CPLX2: variants seen among roughly 807,000 people sequenced by gnomAD.
CPLX2 encodes the protein complexin 2.
A neutral mutation model predicts 16.3 loss-of-function variants in CPLX2; 5 were observed. The observed-to-expected ratio is 0.31, with a 90% CI of 0.16 to 0.64. CPLX2 has a LOEUF of 0.64. CPLX2 is among the 30% of genes least tolerant of loss of function. CPLX2 has a pLI of 0.79. For synonymous variants in CPLX2, 89 were observed against 73.2 expected (o/e 1.22, Z -1.10); for missense variants, 144 against 181.4 (o/e 0.79, Z 1.18).
At chr5:175,836,226 T>C (rs1758836518) in intron 2 of CPLX2, among the ~76,000 whole-genome samples, 1 of 152,082 alleles carries the variant, frequency 6.6e-6, no homozygotes, top group Non-Finnish European at 1.5e-5. Context: ...GGCGGGCACC[T>C]GTGGTCCCAG....
intron 2 of CPLX2, among the ~76,000 whole-genome samples, chr5:175,847,954 A>C (rs1759080973): frequency 6.6e-6 from 1 of 152,236 alleles, no homozygotes; most frequent in South Asian, 2.1e-4. Flanking sequence ...CTCACCTAAC[A>C]GCTTCATCAC....
At chr5:175,813,641 A>G (rs1758353114) in intron 2 of CPLX2, among the ~76,000 whole-genome samples, 1 of 152,268 alleles carries the variant, frequency 6.6e-6, no homozygotes, top group Non-Finnish European at 1.5e-5. Context: ...AGCTGGCCAC[A>G]GGCACACAGA....
intron 1 of CPLX2, chr5:175,796,870 C>G (rs1757986952): frequency 6.6e-6 from 1 of 152,284 alleles, no homozygotes; most frequent in Admixed American, 6.5e-5. Flanking sequence ...CCACAGGCCC[C>G]GCGCTCGAGA....
At chr5:175,820,130 G>C (rs1238770426) in intron 2 of CPLX2, among the ~76,000 whole-genome samples, 1 of 152,134 alleles carries the variant, frequency 6.6e-6, no homozygotes, top group Non-Finnish European at 1.5e-5. Context: ...GTCAGCTCCT[G>C]TCTCTGCCAC....
chr5:175,881,570 T>C lies in CPLX2; in HGVS notation c.*1525T>C, dbSNP rs1755606093. ...AGACATTTGAAGGCTGCTGTGTGCA[T>C]GTTTGGGGGTCTGAAAAGACAGTTG... is the stretch of plus-strand genomic sequence containing the variant. On this transcript the variant is annotated 3_prime_UTR_variant, in exon 4 of 4. Coordinates refer to ENST00000393745, the MANE Select transcript of CPLX2 (RefSeq NM_001008220.2). The C allele has an allele frequency of 6.5e-6, 1 of 152,958 alleles. No individual in the cohort carries two copies. The highest frequency in any genetic ancestry group is 2.1e-4 in the South Asian group (1 of 4,830). The allele number at this position is 152,958 out of a possible 1,614,324, so 9.5% of individuals were successfully genotyped here.
At chr5:175,803,953 G>A (rs1445161071) in intron 1 of CPLX2, among the ~76,000 whole-genome samples, 1 of 152,234 alleles carries the variant, frequency 6.6e-6, no homozygotes, top group Admixed American at 6.5e-5. Flanking sequence ...AATGCCGGGA[G>A]GATGCAGGGG....
chr5:175,808,527 C>A (rs1758254798), intron 1 of CPLX2, among the ~76,000 whole-genome samples: 1 of 152,048 alleles, frequency 6.6e-6, no homozygotes, highest in Non-Finnish European at 1.5e-5. Flanking sequence ...ATAACAAGCA[C>A]TTATATAGCA....
intron 2 of CPLX2, among the ~76,000 whole-genome samples, chr5:175,829,421 C>T (rs1758687165): frequency 6.6e-6 from 1 of 152,182 alleles, no homozygotes; most frequent in Non-Finnish European, 1.5e-5. Flanking sequence ...GGCCCCCTTG[C>T]CAGGACAGTC....
In CPLX2 at chr5:175,872,274, G is replaced by GA. The variant is rs1759645072; in HGVS notation, c.-89+570dup. 6.6e-6 allele frequency: 1 copy of GA among 152,656 alleles called. No individual in the cohort carries two copies. Among genetic ancestry groups the GA allele is most frequent in the Admixed American group, 6.5e-5 (1 of 15,292 alleles). 9.5% of individuals were successfully genotyped at this position (152,656 alleles called of 1,614,324 possible). ...GAGGAGAACGTAGACATTGACAGGG[G>GA]ATGGGGGACCAAGGGGACTATTTGT... On this transcript the variant is annotated intron_variant, in intron 1 of 3. Coordinates refer to ENST00000393745, the MANE Select transcript of CPLX2 (RefSeq NM_001008220.2). The surrounding 1 kb of genome is among the most constrained non-coding windows in gnomAD (Gnocchi z 5.0).
intron 1 of CPLX2, chr5:175,805,727 C>T (rs1283594304): frequency 6.6e-6 from 1 of 152,428 alleles, no homozygotes; most frequent in Non-Finnish European, 1.5e-5. Context: ...AGGACATGGT[C>T]TGCAAGCAGT....
chr5:175,876,548 G>A (rs904047420), intron 1 of CPLX2, among the ~76,000 whole-genome samples: 2 of 152,180 alleles, frequency 1.3e-5, no homozygotes, highest in Non-Finnish European at 2.9e-5. Context: ...GTACAGTGGG[G>A]TTGTCAGCAG....
intron 2 of CPLX2, among the ~76,000 whole-genome samples, chr5:175,812,755 G>A (rs964713447): frequency 1.3e-5 from 2 of 152,130 alleles, no homozygotes; most frequent in Admixed American, 1.3e-4. Flanking sequence ...GCCCATTATG[G>A]GATGGGTTTG....
chr5:175,870,956 G>A (rs987045462), upstream of CPLX2, among the ~76,000 whole-genome samples: 3 of 152,126 alleles, frequency 2.0e-5, no homozygotes, highest in Non-Finnish European at 4.4e-5. Flanking sequence ...ACTGTGCTGG[G>A]GGGCTGCAAA....
intron 2 of CPLX2, among the ~76,000 whole-genome samples, chr5:175,851,394 G>A (rs1252553299): frequency 2.6e-5 from 4 of 152,160 alleles, no homozygotes; most frequent in Non-Finnish European, 4.4e-5. Context: ...GTCATAAACA[G>A]TCACACAAGG....
At chr5:175,858,911 A>C (rs2113686457) in intron 2 of CPLX2, among the ~76,000 whole-genome samples, 1 of 152,326 alleles carries the variant, frequency 6.6e-6, no homozygotes, top group South Asian at 2.1e-4. Context: ...GCAGAACCGG[A>C]GAAAGAAACA....
chr5:175,817,137 G>A (rs1581072814), intron 2 of CPLX2, among the ~76,000 whole-genome samples: 1 of 152,214 alleles, frequency 6.6e-6, no homozygotes, highest in South Asian at 2.1e-4. Flanking sequence ...CAAGACACTT[G>A]CCATGCTTTC....
Position 175,830,808 on chromosome 5 carries a change from A to G in CPLX2, c.-89+21740A>G, listed in dbSNP as rs756040857. On this transcript the variant is annotated intron_variant, in intron 2 of 4. Transcript: ENST00000359546. The surrounding 1 kb of genome is among the most constrained non-coding windows in gnomAD (Gnocchi z 4.0). ...GTTCACCCTGCTCACAGCTCAGCCA[A>G]GAAGCCCAGATCTGGGAAGGAGAGC... Among the ~76,000 whole-genome samples, 12 of 152,180 alleles carry G rather than the reference A, an allele frequency of 7.9e-5. No individual in the cohort carries two copies. The highest frequency in any genetic ancestry group is 1.3e-4 in the Non-Finnish European group (9 of 68,028).
In CPLX2 at chr5:175,858,972, C is replaced by A. The variant is rs1759312041; in HGVS notation, c.-88-19680C>A. On this transcript the variant is annotated intron_variant, in intron 2 of 4. Transcript: ENST00000359546. ...GCATGGAAACCTTGGTGACACACAG[C>A]TCCCTCTTGCTACCAGAGAAGCCAC... is the stretch of plus-strand genomic sequence containing the variant. Among the ~76,000 whole-genome samples, 6 of 152,204 alleles carry A rather than the reference C, an allele frequency of 3.9e-5. No homozygotes were observed. The South Asian group carries it at 1.2e-3, about 32-fold the overall frequency.
chr5:175,844,063 C>T (rs1758997914), intron 2 of CPLX2, among the ~76,000 whole-genome samples: 1 of 152,246 alleles, frequency 6.6e-6, no homozygotes, highest in African/African-American at 2.4e-5. Context: ...CCAGCATCAC[C>T]TCACCTATAG....
Sources: gnomAD v4.1 joint callset for allele counts (sites outside exome capture counted in the v4.1 genomes callset) on GRCh38, gnomAD v4.1.1 for gene constraint, Gnocchi (gnomAD v3.1) non-coding constraint, MANE v1.5 for transcripts, NCBI Gene and HGNC (gene_info 2026-07-23, HGNC 2026-07-21) for gene names.